Variants in RNF157 observed in about 807,000 individuals in gnomAD.
RNF157 encodes the protein E3 ubiquitin ligase RNF157.
Under a neutral mutation model 88.3 loss-of-function variants are expected in RNF157, and 55 were observed. The observed-to-expected ratio is 0.62, with a 90% CI of 0.50 to 0.78. The LOEUF is 0.78. RNF157 is among the 30% of genes least tolerant of loss of function. The pLI, the probability that RNF157 is intolerant of heterozygous loss-of-function variation, is 0.00. For missense variants in RNF157, 788 were observed against 860.8 expected (o/e 0.92, Z 1.06); for synonymous variants, 334 against 341.2 (o/e 0.98, Z 0.23).
At chr17:76,189,092 A>G (rs2069340506) in intron 2 of RNF157, among the ~76,000 whole-genome samples, 1 of 152,242 alleles carries the variant, frequency 6.6e-6, no homozygotes. Flanking sequence ...GAGGAGATGA[A>G]GGAAACATGA....
At position 76,146,244 on chromosome 17, in the gene RNF157, A is replaced by C. The variant is rs1017069385; in HGVS notation, c.1922-891T>G. 1 of 604,666 alleles carries C rather than the reference A, an allele frequency of 1.7e-6. No individual in the cohort carries two copies. Among genetic ancestry groups the C allele is most frequent in the Non-Finnish European group, 2.1e-6 (1 of 482,316 alleles). The allele number at this position is 604,666 out of a possible 1,614,324, so 37.5% of individuals were successfully genotyped here. On this transcript the variant is annotated intron_variant, in intron 18 of 18. Transcript: ENST00000269391. The surrounding 1 kb of genome is among the most constrained non-coding windows in gnomAD (Gnocchi z 4.2). ...AGTGTGACCTTGGGCACATCAGTTT[A>C]CTGTGGGCCTTGGTTTTCTCACCCA... is the stretch of plus-strand genomic sequence containing the variant.
chr17:76,226,062 G>C, intron 1 of RNF157: 1 of 1,605,140 alleles, frequency 6.2e-7, no homozygotes, highest in Non-Finnish European at 8.5e-7. Flanking sequence ...AGAACACCTG[G>C]AGATGGGAGG....
chr17:76,182,513 A>C (rs2069206569), intron 2 of RNF157, among the ~76,000 whole-genome samples: 1 of 143,452 alleles, frequency 7.0e-6, no homozygotes. Context: ...TTTTTTTTTT[A>C]CCATTCTGAT....
intron 3 of RNF157, among the ~76,000 whole-genome samples, chr17:76,168,986 G>A (rs1344944083): frequency 6.6e-6 from 1 of 152,194 alleles, no homozygotes; most frequent in Non-Finnish European, 1.5e-5. Context: ...AAAGCTTACA[G>A]ACGGTCCTCT....
At chr17:76,159,906 A>AT (rs1231931137) in intron 11 of RNF157, among the ~76,000 whole-genome samples, 1 of 151,764 alleles carries the variant, frequency 6.6e-6, no homozygotes, top group Non-Finnish European at 1.5e-5. Flanking sequence ...TCTTCTTCCC[A>AT]TTTTTTTTCT....
intron 2 of RNF157, among the ~76,000 whole-genome samples, chr17:76,194,700 A>G (rs2144956794): frequency 6.6e-6 from 1 of 152,298 alleles, no homozygotes; most frequent in East Asian, 1.9e-4. Context: ...GAGATTTAAA[A>G]AGAGAGAGAG....
At chr17:76,216,253 G>T (rs1245191494) in intron 1 of RNF157, among the ~76,000 whole-genome samples, 2 of 152,078 alleles carry the variant, frequency 1.3e-5, no homozygotes, top group Non-Finnish European at 1.5e-5. Flanking sequence ...GGGATCTGGG[G>T]CAGTAAAAAT....
chr17:76,164,838 A>G, intron 7 of RNF157, 43 bp from the exon 8 acceptor site: 1 of 1,436,828 alleles, frequency 7.0e-7, no homozygotes, highest in Non-Finnish European at 9.8e-7. Context: ...AGGGAGGGTA[A>G]TAAAGCACCA....
At chr17:76,208,276 A>G (rs12453112) in intron 2 of RNF157, among the ~76,000 whole-genome samples, 12,448 of 152,196 alleles carry the variant, frequency 0.082, 693 homozygotes, top group Non-Finnish European at 0.13. Context: ...GATCTACACA[A>G]TGGACTCACA....
At chr17:76,208,955 CAG>C (rs1213966569) in intron 2 of RNF157, among the ~76,000 whole-genome samples, 3 of 147,508 alleles carry the variant, frequency 2.0e-5, no homozygotes, top group Non-Finnish European at 3.0e-5. Context: ...GCTTGGGTGA[CAG>C]AGTGAGACTC....
chr17:76,209,819 G>C (rs939616996), intron 2 of RNF157, among the ~76,000 whole-genome samples: 1 of 152,164 alleles, frequency 6.6e-6, no homozygotes, highest in Non-Finnish European at 1.5e-5. Context: ...GAGTGCAGTG[G>C]AATGATCTTG....
rs534145151 is a variant in RNF157, at chr17:76,207,402, G to A, written c.207+4962C>T. Among the ~76,000 whole-genome samples the A allele has an allele frequency of 5.3e-5, 8 of 152,206 alleles. No homozygotes were observed. The East Asian group carries it at 1.5e-3, about 29-fold the overall frequency. ...CACGCCACTGCACTCCAGCCTGGGT[G>A]ACAGGGCAAGTCCCTATCTCTAGGG... On this transcript the variant is annotated intron_variant, in intron 2 of 18. Coordinates refer to ENST00000269391, the MANE Select transcript of RNF157 (RefSeq NM_052916.3).
intron 18 of RNF157, among the ~76,000 whole-genome samples, chr17:76,147,870 G>A (rs932493956): frequency 2.0e-5 from 3 of 152,308 alleles, no homozygotes; most frequent in Non-Finnish European, 4.4e-5. Context: ...GGTGCTTTCC[G>A]TTCATGTCTC....
intron 2 of RNF157, among the ~76,000 whole-genome samples, chr17:76,182,728 T>C (rs959840656): frequency 1.4e-5 from 2 of 142,342 alleles, no homozygotes; most frequent in South Asian, 4.3e-4. Flanking sequence ...ATATACTTTG[T>C]TTTCATTTGC....
intron 2 of RNF157, chr17:76,212,161 A>T (rs1359644984): frequency 1.4e-5 from 7 of 502,426 alleles, no homozygotes; most frequent in Non-Finnish European, 2.5e-5. Flanking sequence ...CCTCTCCCTC[A>T]CAAGACTCCA....
chr17:76,192,079 T>G (rs1043676766), intron 2 of RNF157, among the ~76,000 whole-genome samples: 2 of 152,222 alleles, frequency 1.3e-5, no homozygotes, highest in African/African-American at 4.8e-5. Flanking sequence ...TCCCGTCAGA[T>G]GGGGTGCACA....
intron 3 of RNF157, among the ~76,000 whole-genome samples, chr17:76,170,603 C>T (rs114891118): frequency 1.5e-3 from 235 of 152,258 alleles, no homozygotes; most frequent in African/African-American, 5.6e-3. Flanking sequence ...ATCTGCCTAC[C>T]TTGAAGGCAG....
chr17:76,212,099 C>T, intron 2 of RNF157: 1 of 282,332 alleles, frequency 3.5e-6, no homozygotes, highest in Non-Finnish European at 6.6e-6. Context: ...AAAAGGGTTG[C>T]CTAAAGAGGT....
At chr17:76,186,359 T>A (rs892227128) in intron 2 of RNF157, among the ~76,000 whole-genome samples, 1 of 149,770 alleles carries the variant, frequency 6.7e-6, no homozygotes, top group South Asian at 2.1e-4. Flanking sequence ...TACAAAAAAT[T>A]AGCTGGGCGT....
Sources: gnomAD v4.1 joint callset for allele counts (sites outside exome capture counted in the v4.1 genomes callset) on GRCh38, gnomAD v4.1.1 for gene constraint, Gnocchi (gnomAD v3.1) non-coding constraint, MANE v1.5 for transcripts, NCBI Gene and HGNC (gene_info 2026-07-23, HGNC 2026-07-21) for gene names.